Variants in APAF1 observed in about 807,000 individuals in gnomAD.
APAF1 encodes the protein apoptotic peptidase activating factor 1, also known as apoptotic protease-activating factor 1.
Under a neutral mutation model 152.4 loss-of-function variants are expected in APAF1, and 91 were observed. The ratio of observed to expected loss-of-function variants is 0.60; its 90% CI spans 0.50 to 0.71. APAF1 has a LOEUF of 0.71. APAF1 is among the 30% of genes least tolerant of loss of function. APAF1 has a pLI of 0.00. For missense variants in APAF1, 1,283 were observed against 1,472.0 expected (o/e 0.87, Z 2.10); for synonymous variants, 484 against 494.1 (o/e 0.98, Z 0.27).
intron 15 of APAF1, among the ~76,000 whole-genome samples, chr12:98,684,761 T>C (rs2097696240): frequency 6.6e-6 from 1 of 152,158 alleles, no homozygotes; most frequent in Non-Finnish European, 1.5e-5. Context: ...ACTGTTATAC[T>C]ATTTACGACT....
chr12:98,715,445 A>G lies in APAF1; in HGVS notation c.2977A>G (p.Asn993Asp), dbSNP rs1365089266. 1 of 1,613,520 alleles carries G rather than the reference A, an allele frequency of 6.2e-7. No homozygotes were observed. Among genetic ancestry groups the G allele is most frequent in the Non-Finnish European group, 8.5e-7 (1 of 1,179,740 alleles). The change falls in exon 22 of 27, where the codon AAT (asparagine) becomes GAT (aspartate). Residue 993 changes from asparagine to aspartate, a missense_variant. Asn to Asp is a conservative substitution (Grantham distance 23). Transcript: ENST00000551964. ...GAIEILELVN[N>D]RIFQSRFQHK... ...TTTGAAGATTTTAGAACTTGTAAACAATAGAATCTTCCAGTCCAGGTTTCA... is the reference window on the plus strand; with the variant it reads ...TTTGAAGATTTTAGAACTTGTAAACGATAGAATCTTCCAGTCCAGGTTTCA...
chr12:98,695,343 G>A (rs951445747), intron 16 of APAF1, among the ~76,000 whole-genome samples: 3 of 148,064 alleles, frequency 2.0e-5, no homozygotes, highest in South Asian at 2.1e-4. Flanking sequence ...GAGCCACTGC[G>A]CCCAATGCCG....
intron 19 of APAF1, 142 bp downstream of exon 19, chr12:98,706,752 G>C (rs2097721827): frequency 1.1e-6 from 1 of 943,798 alleles, no homozygotes; most frequent in Non-Finnish European, 1.7e-6. Context: ...GAAAAGTGCT[G>C]TTATATGGAC....
At chr12:98,704,001 C>T (rs2097718614) in intron 18 of APAF1, among the ~76,000 whole-genome samples, 1 of 152,116 alleles carries the variant, frequency 6.6e-6, no homozygotes, top group African/African-American at 2.4e-5. Context: ...TTGTACTTAC[C>T]TGTTAAATTT....
chr12:98,735,157 A>T lies in APAF1; in HGVS notation c.*2591A>T, dbSNP rs1057002696. The T allele has an allele frequency of 5.0e-6, 2 of 398,718 alleles. No homozygotes were observed. Among genetic ancestry groups the T allele is most frequent in the Non-Finnish European group, 8.8e-6 (2 of 226,220 alleles). 24.7% of individuals were successfully genotyped at this position (398,718 alleles called of 1,614,324 possible). ...CTAGTATGATGGAGCTGCAAATTTC[A>T]TGGCAGTTCATGCAGTCGGTCAAGA... On this transcript the variant is annotated 3_prime_UTR_variant, in exon 27 of 27. Coordinates refer to ENST00000551964, the MANE Select transcript of APAF1 (RefSeq NM_181861.2).
chr12:98,699,629 T>C lies in APAF1; in HGVS notation c.2466+60T>C. 3 of 1,584,642 alleles carry C rather than the reference T, an allele frequency of 1.9e-6. No homozygotes were observed. In the South Asian group the frequency reaches 3.3e-5, roughly 18 times the overall value. On this transcript the variant is annotated intron_variant, in intron 17 of 26. Coordinates refer to ENST00000551964, the MANE Select transcript of APAF1 (RefSeq NM_181861.2). ...TAAAGAAAGTTAAAACTTCTGTTCA[T>C]TTTTGCATTTTACAATGTTTATTCA...
chr12:98,709,582 G>C (rs1326858719), intron 20 of APAF1, among the ~76,000 whole-genome samples: 2 of 152,158 alleles, frequency 1.3e-5, no homozygotes, highest in African/African-American at 4.8e-5. Context: ...GTGGCAGCAA[G>C]AGAAAGCAGA....
In APAF1 at chr12:98,662,533, C is replaced by T; in HGVS notation, c.788C>T (p.Thr263Ile). ...GACAGTCAGTGTCAGATTCTTCTTA[C>T]AACCAGAGACAAGAGTGTTACAGAT... ...AFDSQCQILL[T>I]TRDKSVTDSV... Residue 263 changes from threonine (T) to isoleucine (I), a missense_variant, in exon 6 of 27, where the codon ACA (threonine) becomes ATA (isoleucine). Coordinates refer to ENST00000551964, the MANE Select transcript of APAF1 (RefSeq NM_181861.2). The T allele has an allele frequency of 6.2e-7, 1 of 1,613,416 alleles. No homozygotes were observed. The highest frequency in any genetic ancestry group is 1.1e-5 in the South Asian group (1 of 91,066).
intron 22 of APAF1, among the ~76,000 whole-genome samples, chr12:98,721,695 A>G (rs1221311320): frequency 6.6e-6 from 1 of 152,190 alleles, no homozygotes; most frequent in Non-Finnish European, 1.5e-5. Context: ...ACAAGACCCC[A>G]TGCTCCTGAT....
At chr12:98,673,447 A>AAC (rs1055840910) in intron 12 of APAF1, among the ~76,000 whole-genome samples, 7 of 151,842 alleles carry the variant, frequency 4.6e-5, no homozygotes, top group African/African-American at 1.7e-4. Context: ...AAAAACAAAA[A>AAC]AAAAAAAAAC....
At chr12:98,666,555 C>T (rs905136140) in intron 9 of APAF1, among the ~76,000 whole-genome samples, 198 bp downstream of exon 9, 2 of 152,140 alleles carry the variant, frequency 1.3e-5, no homozygotes, top group Admixed American at 6.6e-5. Flanking sequence ...GTTCACTAAC[C>T]TACGTGTTCT....
chr12:98,655,037 G>A (rs1485080170), intron 4 of APAF1, among the ~76,000 whole-genome samples: 13 of 118,794 alleles, frequency 1.1e-4, no homozygotes, highest in Non-Finnish European at 2.1e-4. Flanking sequence ...GACTCTTAAC[G>A]AGCATGCTGC....
At chr12:98,671,749 A>T in intron 12 of APAF1, 30 bp downstream of exon 12, 1 of 1,595,568 alleles carries the variant, frequency 6.3e-7, no homozygotes, top group Non-Finnish European at 8.6e-7. Context: ...AACCAAAGGG[A>T]GTGGTGCGCT....
rs1160261786 is a variant in APAF1 at position 98,733,226 on chromosome 12, C to CT, written c.*661dup. On this transcript the variant is annotated 3_prime_UTR_variant, in exon 27 of 27. Coordinates refer to ENST00000551964, the MANE Select transcript of APAF1 (RefSeq NM_181861.2). ...CTCGGCTCACCACAATCGCTGCCTC[C>CT]TGGGTTCAAGCAATTCTCCTGCCTC... The CT allele has an allele frequency of 5.2e-5, 8 of 152,986 alleles. No homozygotes were observed. The highest frequency in any genetic ancestry group is 4.6e-4 in the Admixed American group (7 of 15,280). 9.5% of individuals were successfully genotyped at this position (152,986 alleles called of 1,614,324 possible). A position where few individuals can be genotyped will look rare whatever the true frequency, so the allele number is the denominator to read the frequency against.
rs751721415 is a variant in APAF1 at position 98,683,273 on chromosome 12, A to G, written c.2177A>G (p.Lys726Arg). 4 of 1,613,800 alleles carry G rather than the reference A, an allele frequency of 2.5e-6. No homozygotes were observed. In the South Asian group the frequency reaches 4.4e-5, roughly 18 times the overall value. The change falls in exon 15 of 27, where the codon AAA (lysine) becomes AGA (arginine). Residue 726 changes from lysine to arginine, a missense_variant and splice_region_variant. Physicochemically the swap from Lys to Arg is conservative, Grantham distance 26. Transcript: ENST00000551964. ...ACTGGGTCAAGTGACTGCTTCCTCAAAGTAAGTGTGGATATTGAGAATTAG... is the reference window on the plus strand; with the variant it reads ...ACTGGGTCAAGTGACTGCTTCCTCAGAGTAAGTGTGGATATTGAGAATTAG... ...LATGSSDCFL[K>R]LWDLNQKECR...
chr12:98,691,532 T>G (rs1042386284), intron 16 of APAF1, among the ~76,000 whole-genome samples: 1 of 152,190 alleles, frequency 6.6e-6, no homozygotes, highest in Non-Finnish European at 1.5e-5. Flanking sequence ...TAACCATTTT[T>G]TAGCCTGGTT....
chr12:98,724,755 A>G (rs2097747966), intron 24 of APAF1, among the ~76,000 whole-genome samples: 1 of 152,094 alleles, frequency 6.6e-6, no homozygotes, highest in African/African-American at 2.4e-5. Flanking sequence ...TGATTAAACT[A>G]TAAACTTTTC....
intron 3 of APAF1, 113 bp from the exon 4 acceptor site, chr12:98,649,374 C>G: frequency 3.6e-6 from 5 of 1,388,200 alleles, no homozygotes; most frequent in Non-Finnish European, 4.9e-6. Flanking sequence ...TTCTTAACTT[C>G]TCTTGGAAAT....
intron 26 of APAF1, among the ~76,000 whole-genome samples, chr12:98,730,188 A>G (rs747055731): frequency 1.3e-5 from 2 of 152,238 alleles, no homozygotes; most frequent in Non-Finnish European, 2.9e-5. Flanking sequence ...TGTTGCATTA[A>G]CCTACATCTT....
Sources: allele counts gnomAD v4.1 joint callset (sites outside exome capture counted in the v4.1 genomes callset), GRCh38; gene constraint gnomAD v4.1.1; transcripts MANE v1.5; gene names NCBI Gene and HGNC (gene_info 2026-07-23, HGNC 2026-07-21).